The following EN1 variants were observed in gnomAD, a reference collection of about 807,000 sequenced individuals.
EN1 encodes engrailed homeobox 1.
EN1 carries 8 observed loss-of-function variants against 22.9 expected under a neutral mutation model. That is an observed-to-expected ratio of 0.35 (90% CI 0.20 to 0.63). The LOEUF (loss-of-function observed/expected upper bound fraction) is 0.63, where lower values mean the gene tolerates loss of function less well. EN1 is among the 20% of genes least tolerant of loss of function. EN1 has a pLI of 0.73. For missense variants in EN1, 521 were observed against 572.1 expected (o/e 0.91, Z 0.91); for synonymous variants, 287 against 262.5 (o/e 1.09, Z -0.90).
rs1350764923 is a variant in EN1 at position 118,846,520 on chromosome 2, T to G, written c.648A>C (p.Ala216=). 1.2e-5 allele frequency: 15 copies of G among 1,288,692 alleles called. No individual in the cohort carries two copies. The highest frequency in any genetic ancestry group is 1.5e-5 in the African/African-American group (1 of 64,914). The allele number at this position is 1,288,692 out of a possible 1,614,324, so 79.8% of individuals were successfully genotyped here. A position where few individuals can be genotyped will look rare whatever the true frequency, so the allele number is the denominator to read the frequency against. Residue 216 remains alanine (A), a synonymous_variant, in exon 1 of 2, where the codon GCA becomes GCC. Coordinates refer to ENST00000295206, the MANE Select transcript of EN1 (RefSeq NM_001426.4). This position sits in a 1 kb window ranked among gnomAD's most constrained non-coding sequence, Gnocchi z 5.0. ...AAAVAAAAAA[A]AAKPSDTGGG... ...CACCGGTGTCCGAGGGCTTGGCTGC[T>G]GCGGCCGCCGCCGCCGCCGCCACTG...
rs1678204224 is a variant in EN1, at chr2:118,842,420, G to A, written c.*518C>T. 1.3e-5 allele frequency: 2 copies of A among 152,312 alleles called. No homozygotes were observed. The allele number at this position is 152,312 out of a possible 1,614,324, so 9.4% of individuals were successfully genotyped here. On this transcript the variant is annotated 3_prime_UTR_variant, in exon 2 of 2. Transcript: ENST00000295206. ...AAAAGTCCCAGAGAAACCAGGGCCGGCGATGCGGGTCGGGAGGCACCGGAG... is the reference window on the plus strand; with the variant it reads ...AAAAGTCCCAGAGAAACCAGGGCCGACGATGCGGGTCGGGAGGCACCGGAG...
intron 1 of EN1, among the ~76,000 whole-genome samples, chr2:118,845,061 G>C (rs1238805422): frequency 3.3e-5 from 5 of 152,262 alleles, no homozygotes; most frequent in African/African-American, 4.8e-5. Context: ...CTCCCGGCCA[G>C]CCCGAGCCGT....
Position 118,842,676 on chromosome 2 carries a change from G to C in EN1, c.*262C>G. ...GCGGTTTGGCTAGATAGAGCTTTAAGGAGTTCGCAGTTTCGTCCCTTATAC... is the reference window on the plus strand; with the variant it reads ...GCGGTTTGGCTAGATAGAGCTTTAACGAGTTCGCAGTTTCGTCCCTTATAC... On this transcript the variant is annotated 3_prime_UTR_variant, in exon 2 of 2. Coordinates refer to ENST00000295206, the MANE Select transcript of EN1 (RefSeq NM_001426.4). The C allele has an allele frequency of 1.9e-6, 1 of 519,216 alleles. No individual in the cohort carries two copies. The allele number at this position is 519,216 out of a possible 1,614,324, so 32.2% of individuals were successfully genotyped here. A position where few individuals can be genotyped will look rare whatever the true frequency, so the allele number is the denominator to read the frequency against.
intron 1 of EN1, among the ~76,000 whole-genome samples, chr2:118,843,540 C>T (rs1678224970): frequency 6.6e-6 from 1 of 152,140 alleles, no homozygotes; most frequent in African/African-American, 2.4e-5. Flanking sequence ...CACCCCACAC[C>T]CCAATTCTCA....
In EN1 at chr2:118,842,722, T is replaced by C; in HGVS notation, c.*216A>G. The C allele has an allele frequency of 1.2e-6, 1 of 853,316 alleles. No homozygotes were observed. The highest frequency in any genetic ancestry group is 1.7e-6 in the Non-Finnish European group (1 of 583,826). The allele number at this position is 853,316 out of a possible 1,614,324, so 52.9% of individuals were successfully genotyped here. On this transcript the variant is annotated 3_prime_UTR_variant, in exon 2 of 2. Coordinates refer to ENST00000295206, the MANE Select transcript of EN1 (RefSeq NM_001426.4). ...TATACTGGGAATAGAGAATGGATCTTATTTTTCGATAGCACCTGTCCGAGT... is the reference window on the plus strand; with the variant it reads ...TATACTGGGAATAGAGAATGGATCTCATTTTTCGATAGCACCTGTCCGAGT...
rs1013621306 is a variant in EN1 at position 118,846,580 on chromosome 2, C to G, written c.588G>C (p.Gly196=). The part of the protein sequence containing the change: ...AAAGAGASKA[G]NPAAAAAAAA... ...CCGCCGCCGCCGCCGCAGCCGGGTT[C>G]CCAGCTTTAGACGCGCCCGCGCCGG... is the stretch of plus-strand genomic sequence containing the variant. The change falls in exon 1 of 2, where the codon GGG becomes GGC. Residue 196 remains glycine, a synonymous_variant. Coordinates refer to ENST00000295206, the MANE Select transcript of EN1 (RefSeq NM_001426.4). This position sits in a 1 kb window ranked among gnomAD's most constrained non-coding sequence, Gnocchi z 5.0. 7.2e-6 allele frequency: 9 copies of G among 1,255,608 alleles called. No individual in the cohort carries two copies. Among genetic ancestry groups the G allele is most frequent in the Non-Finnish European group, 9.0e-6 (9 of 1,004,302 alleles). 77.8% of individuals were successfully genotyped at this position (1,255,608 alleles called of 1,614,324 possible).
rs1446911025 is a variant in EN1 at position 118,847,465 on chromosome 2, T to C, written c.-298A>G. The C allele has an allele frequency of 1.4e-5, 4 of 276,118 alleles. No homozygotes were observed. 17.1% of individuals were successfully genotyped at this position (276,118 alleles called of 1,614,324 possible). The stretch of plus-strand genomic sequence containing the variant: ...ACCAGATTCAATGATTTGATTTAAA[T>C]GGGGAGTAAGCCACGGCCAAAAAAA... On this transcript the variant is annotated 5_prime_UTR_variant, in exon 1 of 2. Coordinates refer to ENST00000295206, the MANE Select transcript of EN1 (RefSeq NM_001426.4).
chr2:118,846,217 G>T lies in EN1; in HGVS notation c.862+89C>A. ...GTGAGAGACTGGAGTACCCGAGGCCGGGTTTGCTCTCCCTAGCGCCGCAGC... is the reference window on the plus strand; with the variant it reads ...GTGAGAGACTGGAGTACCCGAGGCCTGGTTTGCTCTCCCTAGCGCCGCAGC... On this transcript the variant is annotated intron_variant, in intron 1 of 1. Coordinates refer to ENST00000295206, the MANE Select transcript of EN1 (RefSeq NM_001426.4). The surrounding 1 kb of genome is among the most constrained non-coding windows in gnomAD (Gnocchi z 5.0). The T allele has an allele frequency of 6.6e-7, 1 of 1,524,954 alleles. No individual in the cohort carries two copies. Among genetic ancestry groups the T allele is most frequent in the African/African-American group, 1.4e-5 (1 of 72,106 alleles). 94.5% of individuals were successfully genotyped at this position (1,524,954 alleles called of 1,614,324 possible).
In EN1 at chr2:118,842,964, C is replaced by T. The variant is rs1678215040; in HGVS notation, c.1153G>A (p.Val385Ile). The T allele has an allele frequency of 6.2e-7, 1 of 1,613,810 alleles. No homozygotes were observed. The highest frequency in any genetic ancestry group is 8.5e-7 in the Non-Finnish European group (1 of 1,179,796). The change falls in exon 2 of 2, where the codon GTC (valine) becomes ATC (isoleucine). Residue 385 changes from valine (V) to isoleucine (I), a missense_variant. Physicochemically the swap from Val to Ile is conservative, Grantham distance 29 (BLOSUM62 3). Transcript: ENST00000295206. The part of the protein sequence containing the change: ...QGLYNHSTTT[V>I]QDKDESE ...TACTCGCTCTCGTCTTTGTCCTGGA[C>T]CGTGGTGGTGGAGTGGTTGTACAGT...
At position 118,846,530 on chromosome 2, in the gene EN1, GC is replaced by G. The variant is rs779405956; in HGVS notation, c.637del (p.Ala213ArgfsTer82). 3.3e-6 allele frequency: 4 copies of G among 1,216,224 alleles called. 1 individual carries two copies. The highest frequency in any genetic ancestry group is 2.0e-6 in the Non-Finnish European group (2 of 977,052). The allele number at this position is 1,216,224 out of a possible 1,614,324, so 75.3% of individuals were successfully genotyped here. A position where few individuals can be genotyped will look rare whatever the true frequency, so the allele number is the denominator to read the frequency against. On this transcript the variant is annotated frameshift_variant, in exon 1 of 2. Coordinates refer to ENST00000295206, the MANE Select transcript of EN1 (RefSeq NM_001426.4). LOFTEE classifies it high-confidence loss of function. This position sits in a 1 kb window ranked among gnomAD's most constrained non-coding sequence, Gnocchi z 5.0. ...CGAGGGCTTGGCTGCTGCGGCCGCC[GC>G]CGCCGCCGCCACTGCCGCCGCGGCC... Reference protein sequence around the residue: ...AAAAAAVAAAAAAAAAKPSDT... With the variant: ...AAAAAAVAAAXAAAAAKPSDT...
chr2:118,843,118 C>T lies in EN1; in HGVS notation c.999G>A (p.Arg333=), dbSNP rs1558800358. ...GGCTGAGTTCCTGGGCCAGGGTCTG[C>T]CGCCGCTGCTCCGTGATGTAGCGGT... ...QANRYITEQR[R]QTLAQELSLN... The change falls in exon 2 of 2, where the codon CGG becomes CGA. Residue 333 remains arginine (R), a synonymous_variant. Coordinates refer to ENST00000295206, the MANE Select transcript of EN1 (RefSeq NM_001426.4). 10 of 1,613,850 alleles carry T rather than the reference C, an allele frequency of 6.2e-6. No homozygotes were observed. The highest frequency in any genetic ancestry group is 8.5e-6 in the Non-Finnish European group (10 of 1,179,964).
chr2:118,846,264 C>G lies in EN1; in HGVS notation c.862+42G>C. The G allele has an allele frequency of 6.3e-7, 1 of 1,587,028 alleles. No individual in the cohort carries two copies. Among genetic ancestry groups the G allele is most frequent in the Non-Finnish European group, 8.6e-7 (1 of 1,168,064 alleles). ...CAGCTTGGCGTTCTGGGGCGGTCCG[C>G]GGGGCCAGAAGGCATGGCGCAGCCC... On this transcript the variant is annotated intron_variant, in intron 1 of 1. Coordinates refer to ENST00000295206, the MANE Select transcript of EN1 (RefSeq NM_001426.4). This position sits in a 1 kb window ranked among gnomAD's most constrained non-coding sequence, Gnocchi z 5.0.
chr2:118,843,250 C>T lies in EN1; in HGVS notation c.867G>A (p.Pro289=), dbSNP rs760696157. ...TCTTCTTCTTCAGCTTCCTGGTGCG[C>T]GGACCTGCAGCGGCGGAGAGGGCCG... ...TRYSDRPSSG[P]RTRKLKKKKN... The change falls in exon 2 of 2, where the codon CCG becomes CCA. Residue 289 remains proline, a synonymous_variant. Coordinates refer to ENST00000295206, the MANE Select transcript of EN1 (RefSeq NM_001426.4). 2.5e-5 allele frequency: 23 copies of T among 915,716 alleles called. No homozygotes were observed. Among genetic ancestry groups the T allele is most frequent in the South Asian group, 1.2e-4 (7 of 57,952 alleles). 56.7% of individuals were successfully genotyped at this position (915,716 alleles called of 1,614,324 possible). A position where few individuals can be genotyped will look rare whatever the true frequency, so the allele number is the denominator to read the frequency against.
chr2:118,845,377 C>T (rs955391162), intron 1 of EN1, among the ~76,000 whole-genome samples: 1 of 152,242 alleles, frequency 6.6e-6, no homozygotes, highest in African/African-American at 2.4e-5. Context: ...GGCCTTCTCT[C>T]CCGGAGCCCA....
chr2:118,846,890 G>A lies in EN1; in HGVS notation c.278C>T (p.Pro93Leu). 6.4e-7 allele frequency: 1 copy of A among 1,571,702 alleles called. No individual in the cohort carries two copies. The highest frequency in any genetic ancestry group is 1.1e-5 in the South Asian group (1 of 87,940). ...PQHLAAPAHQ[P>L]QPAAQLHRTT... ...GCGGTGCAGCTGGGCCGCTGGCTGC[G>A]GCTGGTGAGCAGGCGCCGCGAGATG... is the stretch of plus-strand genomic sequence containing the variant. The change falls in exon 1 of 2, where the codon CCG (proline) becomes CTG (leucine). Residue 93 changes from proline (P) to leucine (L), a missense_variant. This residue lies in a region of EN1 where 436 missense variants were observed against 410.1 expected (regional missense o/e 1.06). Coordinates refer to ENST00000295206, the MANE Select transcript of EN1 (RefSeq NM_001426.4). The surrounding 1 kb of genome is among the most constrained non-coding windows in gnomAD (Gnocchi z 5.0).
In EN1 at chr2:118,846,468, T is replaced by C; in HGVS notation, c.700A>G (p.Ser234Gly). ...GGGGSGGGAG[S>G]PGAQGTKYPE... Reference sequence around the variant, plus strand: ...TATTTGGTGCCCTGCGCTCCGGGGCTCCCCGCGCCGCCTCCACTGCCGCCG... The same window carrying C: ...TATTTGGTGCCCTGCGCTCCGGGGCCCCCCGCGCCGCCTCCACTGCCGCCG... The change falls in exon 1 of 2, where the codon AGC becomes GGC. Residue 234 changes from serine to glycine, a missense_variant. By Grantham distance (56) the Ser-to-Gly change is moderately conservative. Coordinates refer to ENST00000295206, the MANE Select transcript of EN1 (RefSeq NM_001426.4). The surrounding 1 kb of genome is among the most constrained non-coding windows in gnomAD (Gnocchi z 5.0). 6.2e-7 allele frequency: 1 copy of C among 1,600,472 alleles called. No homozygotes were observed. Among genetic ancestry groups the C allele is most frequent in the Non-Finnish European group, 8.5e-7 (1 of 1,174,888 alleles).
At chr2:118,844,951 C>G (rs1169934012) in intron 1 of EN1, among the ~76,000 whole-genome samples, 1 of 152,208 alleles carries the variant, frequency 6.6e-6, no homozygotes, top group Non-Finnish European at 1.5e-5. Context: ...GCACACAGCC[C>G]CAAAAAGGCC....
At position 118,846,429 on chromosome 2, in the gene EN1, T is replaced by G. The variant is rs1485652793; in HGVS notation, c.739A>C (p.Asn247His). The G allele has an allele frequency of 1.4e-5, 22 of 1,613,082 alleles. No individual in the cohort carries two copies. Among genetic ancestry groups the G allele is most frequent in the Non-Finnish European group, 1.9e-5 (22 of 1,179,780 alleles). ...GAGCCCATAAGTAGGATAGCCGGGT[T>G]GCCGTGCTCCGGGTATTTGGTGCCC... is the stretch of plus-strand genomic sequence containing the variant. ...AQGTKYPEHG[N>H]PAILLMGSAN... Residue 247 changes from asparagine (N) to histidine (H), a missense_variant, in exon 1 of 2, where the codon AAC becomes CAC. Asn to His is a moderately conservative substitution (Grantham distance 68, BLOSUM62 1). Transcript: ENST00000295206. The surrounding 1 kb of genome is among the most constrained non-coding windows in gnomAD (Gnocchi z 5.0).
chr2:118,846,399 T>G lies in EN1; in HGVS notation c.769A>C (p.Asn257His). Reference protein sequence around the residue: ...NPAILLMGSANGGPVVKTDSQ... With the variant: ...NPAILLMGSAHGGPVVKTDSQ... ...TCAGTTTTGACCACGGGCCCGCCGT[T>G]GGCTGAGCCCATAAGTAGGATAGCC... is the stretch of plus-strand genomic sequence containing the variant. Residue 257 changes from asparagine (N) to histidine (H), a missense_variant, in exon 1 of 2, where the codon AAC becomes CAC. Physicochemically the swap from Asn to His is moderately conservative, Grantham distance 68 (BLOSUM62 1). Around this residue, in one of 3 missense-constraint regions of EN1, gnomAD observed 436 missense variants for 410.1 expected, o/e 1.06. Transcript: ENST00000295206. This position sits in a 1 kb window ranked among gnomAD's most constrained non-coding sequence, Gnocchi z 5.0. 6.2e-7 allele frequency: 1 copy of G among 1,613,546 alleles called. No individual in the cohort carries two copies. Among genetic ancestry groups the G allele is most frequent in the Non-Finnish European group, 8.5e-7 (1 of 1,179,928 alleles).
Sources: gnomAD v4.1 joint callset for allele counts (sites outside exome capture counted in the v4.1 genomes callset) on GRCh38, gnomAD v4.1.1 for gene constraint, gnomAD v4.1.1 regional missense constraint, Gnocchi (gnomAD v3.1) non-coding constraint, MANE v1.5 for transcripts, NCBI Gene and HGNC (gene_info 2026-07-23, HGNC 2026-07-21) for gene names.